The following STOX2 variants were observed in gnomAD, a reference collection of about 807,000 sequenced individuals.
STOX2 encodes the protein storkhead-box protein 2.
In STOX2, 28 loss-of-function variants were observed where a neutral mutation model predicts 60.9. The observed-to-expected ratio is 0.46, with a 90% CI of 0.34 to 0.63. STOX2 has a LOEUF of 0.63. Ranked by LOEUF, STOX2 falls within the 30% of genes least tolerant of loss-of-function variation. STOX2 has a pLI of 0.01. For missense variants in STOX2, 1,024 were observed against 1,187.7 expected (o/e 0.86, Z 2.03); for synonymous variants, 472 against 463.9 (o/e 1.02, Z -0.22).
intron 1 of STOX2, among the ~76,000 whole-genome samples, chr4:183,868,110 C>T (rs1008354229): frequency 2.6e-5 from 4 of 151,444 alleles, no homozygotes; most frequent in African/African-American, 9.7e-5. Context: ...TTTCTGAAGC[C>T]ATGACTGAAG....
chr4:183,906,556 A>C lies in STOX2; in HGVS notation c.-235A>C, dbSNP rs1465686858. On this transcript the variant is annotated 5_prime_UTR_variant, in exon 1 of 4. Coordinates refer to ENST00000308497, the MANE Select transcript of STOX2 (RefSeq NM_020225.3). ...GAAGCTATAAGCCGGGCGGATTGCA[A>C]ATGAAGTGTAATGCATTGTGGGACG... The C allele has an allele frequency of 5.6e-6, 2 of 358,480 alleles. No homozygotes were observed. Among genetic ancestry groups the C allele is most frequent in the African/African-American group, 4.2e-5 (2 of 47,192 alleles). The allele number at this position is 358,480 out of a possible 1,614,324, so 22.2% of individuals were successfully genotyped here.
intron 1 of STOX2, among the ~76,000 whole-genome samples, chr4:183,893,531 T>A (rs1318836305): frequency 6.6e-6 from 1 of 152,180 alleles, no homozygotes; most frequent in African/African-American, 2.4e-5. Context: ...TTGCAACAGA[T>A]CTTGAGTCTT....
Position 184,023,473 on chromosome 4 carries a change from A to T in STOX2, c.*6189A>T, listed in dbSNP as rs895863057. Reference sequence around the variant, plus strand: ...TGTTGTTTATGTAGTGTTGTGTGAAATATCCATTTTGGATTGTGTTACTTT... The same window carrying T: ...TGTTGTTTATGTAGTGTTGTGTGAATTATCCATTTTGGATTGTGTTACTTT... On this transcript the variant is annotated 3_prime_UTR_variant, in exon 4 of 4. Coordinates refer to ENST00000308497, the MANE Select transcript of STOX2 (RefSeq NM_020225.3). 1.6e-4 allele frequency: 25 copies of T among 152,228 alleles called. No individual in the cohort carries two copies. Among genetic ancestry groups the T allele is most frequent in the African/African-American group, 5.8e-4 (24 of 41,458 alleles). The allele number at this position is 152,228 out of a possible 1,614,324, so 9.4% of individuals were successfully genotyped here.
intron 1 of STOX2, among the ~76,000 whole-genome samples, chr4:183,934,074 C>T (rs559252638): frequency 1.3e-5 from 2 of 152,202 alleles, no homozygotes; most frequent in African/African-American, 4.8e-5. Flanking sequence ...GAGGCCGAGA[C>T]GGGTGGATCA....
chr4:183,961,463 G>A (rs1305114289), intron 1 of STOX2, among the ~76,000 whole-genome samples: 4 of 152,164 alleles, frequency 2.6e-5, no homozygotes, highest in Non-Finnish European at 4.4e-5. Flanking sequence ...CTGGATGATC[G>A]TCAGCCCAGC....
intron 1 of STOX2, among the ~76,000 whole-genome samples, chr4:183,831,785 T>C (rs1739573934): frequency 6.6e-6 from 1 of 151,918 alleles, no homozygotes. Flanking sequence ...ATAAATAAAT[T>C]TTGTTAAGCT....
intron 1 of STOX2, among the ~76,000 whole-genome samples, chr4:183,921,816 C>T (rs1359519507): frequency 2.0e-5 from 3 of 152,136 alleles, no homozygotes; most frequent in East Asian, 1.9e-4. Flanking sequence ...CTCTTACTCC[C>T]GTTTCATGGC....
chr4:183,846,759 T>C (rs1739999650), intron 1 of STOX2, among the ~76,000 whole-genome samples: 1 of 152,148 alleles, frequency 6.6e-6, no homozygotes, highest in African/African-American at 2.4e-5. Flanking sequence ...AATAGCTTCC[T>C]CAGAGACAGT....
At position 184,001,208 on chromosome 4, in the gene STOX2, A is replaced by T; in HGVS notation, c.167-117A>T. ...AGAGTGGAATTGGCAAGCAGCTGCT[A>T]TGTTCGGAGCTGACTGTGTTCGTCA... On this transcript the variant is annotated intron_variant, in intron 1 of 3. Transcript: ENST00000308497. This position sits in a 1 kb window ranked among gnomAD's most constrained non-coding sequence, Gnocchi z 4.2. 6 of 925,226 alleles carry T rather than the reference A, an allele frequency of 6.5e-6. No homozygotes were observed. Among genetic ancestry groups the T allele is most frequent in the Non-Finnish European group, 6.5e-6 (4 of 612,556 alleles). The allele number at this position is 925,226 out of a possible 1,614,324, so 57.3% of individuals were successfully genotyped here.
Position 183,865,851 on chromosome 4 carries a change from G to A in STOX2, c.364+67796G>A, listed in dbSNP as rs372953692. 1.5e-3 allele frequency among the ~76,000 whole-genome samples: 230 copies of A among 152,234 alleles called. No individual in the cohort carries two copies. The highest frequency in any genetic ancestry group is 5.3e-3 in the African/African-American group (219 of 41,564). Reference sequence around the variant, plus strand: ...AATTTGATTTGGGGGTCATTTTTTGGAAGGCTTTTTTCTTTTTAACCACTT... The same window carrying A: ...AATTTGATTTGGGGGTCATTTTTTGAAAGGCTTTTTTCTTTTTAACCACTT... On this transcript the variant is annotated intron_variant, in intron 1 of 2. Transcript: ENST00000513034. This position sits in a 1 kb window ranked among gnomAD's most constrained non-coding sequence, Gnocchi z 4.1.
intron 1 of STOX2, among the ~76,000 whole-genome samples, chr4:183,815,660 CAG>C (rs763398398): frequency 6.6e-6 from 1 of 152,100 alleles, no homozygotes; most frequent in Non-Finnish European, 1.5e-5. Context: ...TGAGAAGAAA[CAG>C]AGTGAAGTGA....
chr4:183,915,715 A>G (rs575327976), intron 1 of STOX2, among the ~76,000 whole-genome samples: 1 of 152,274 alleles, frequency 6.6e-6, no homozygotes, highest in African/African-American at 2.4e-5. Flanking sequence ...AGAGGCAGAG[A>G]TGGGAGTGAT....
chr4:183,818,951 A>AGC (rs1560829886), intron 1 of STOX2, among the ~76,000 whole-genome samples: 1 of 150,536 alleles, frequency 6.6e-6, no homozygotes, highest in Non-Finnish European at 1.5e-5. Context: ...CAGACTGGGC[A>AGC]GCGGGGCAGA....
At chr4:183,902,325 C>T (rs1443089356), upstream of STOX2, among the ~76,000 whole-genome samples, 1 of 152,158 alleles carries the variant, frequency 6.6e-6, no homozygotes, top group African/African-American at 2.4e-5. Context: ...ATCAATTATA[C>T]ATTTGAATTA....
intron 1 of STOX2, among the ~76,000 whole-genome samples, chr4:183,952,082 T>C (rs900976149): frequency 3.9e-5 from 6 of 152,236 alleles, no homozygotes; most frequent in African/African-American, 1.2e-4. Flanking sequence ...ACACTCTCTT[T>C]CTTGGAAAAC....
At chr4:183,967,637 C>T (rs1050546303) in intron 1 of STOX2, among the ~76,000 whole-genome samples, 5 of 152,184 alleles carry the variant, frequency 3.3e-5, no homozygotes, top group East Asian at 1.9e-4. Context: ...GTGTGCTCTA[C>T]GCTCTAGTTG....
chr4:183,881,843 G>A (rs894944443), intron 1 of STOX2, among the ~76,000 whole-genome samples: 3 of 152,136 alleles, frequency 2.0e-5, no homozygotes, highest in African/African-American at 4.8e-5. Flanking sequence ...GAAAGCTGAC[G>A]GATAGTGAAC....
intron 1 of STOX2, among the ~76,000 whole-genome samples, chr4:183,848,837 A>G (rs1740044997): frequency 6.6e-6 from 1 of 152,230 alleles, no homozygotes; most frequent in Non-Finnish European, 1.5e-5. Context: ...AAAGTAAGCT[A>G]AAGCCTGTGG....
intron 1 of STOX2, among the ~76,000 whole-genome samples, chr4:183,922,928 A>G (rs940643620): frequency 1.3e-5 from 2 of 152,136 alleles, no homozygotes; most frequent in Admixed American, 1.3e-4. Flanking sequence ...CATATCATCA[A>G]GTTTCATCCA....
Sources: gnomAD v4.1 joint callset for allele counts (sites outside exome capture counted in the v4.1 genomes callset) on GRCh38, gnomAD v4.1.1 for gene constraint, Gnocchi (gnomAD v3.1) non-coding constraint, MANE v1.5 for transcripts, NCBI Gene and HGNC (gene_info 2026-07-23, HGNC 2026-07-21) for gene names.